Variants in PTPRD observed in about 807,000 individuals in gnomAD.
PTPRD encodes protein tyrosine phosphatase receptor type D.
In PTPRD, 34 loss-of-function variants were observed where a neutral mutation model predicts 214.5. The ratio of observed to expected loss-of-function variants is 0.16; its 90% CI spans 0.12 to 0.21. The LOEUF (loss-of-function observed/expected upper bound fraction) is 0.21, where lower values mean the gene tolerates loss of function less well. PTPRD is among the 10% of genes least tolerant of loss of function. The pLI is 1.00. For synonymous variants in PTPRD, 1,128 were observed against 845.7 expected (o/e 1.33, Z -5.79); for missense variants, 2,545 against 2,398.7 (o/e 1.06, Z -1.27).
intron 3 of PTPRD, among the ~76,000 whole-genome samples, chr9:10,325,471 C>A (rs1774447108): frequency 6.6e-6 from 1 of 151,736 alleles, no homozygotes; most frequent in Non-Finnish European, 1.5e-5. Flanking sequence ...TCTTTATAAA[C>A]AATTAACACT....
intron 11 of PTPRD, among the ~76,000 whole-genome samples, chr9:9,007,473 A>T (rs980642303): frequency 2.3e-4 from 31 of 133,338 alleles, no homozygotes; most frequent in Non-Finnish European, 5.4e-4. Context: ...TTAAAAATAT[A>T]TTTTTTTTTA....
intron 5 of PTPRD, among the ~76,000 whole-genome samples, chr9:9,793,912 T>C (rs1382991598): frequency 6.6e-6 from 1 of 152,004 alleles, no homozygotes; most frequent in East Asian, 1.9e-4. Context: ...TTTATGAAAT[T>C]CAACCCACTA....
At chr9:9,182,032 A>C (rs1357673087) in intron 10 of PTPRD, among the ~76,000 whole-genome samples, 1 of 152,088 alleles carries the variant, frequency 6.6e-6, no homozygotes, top group South Asian at 2.1e-4. Flanking sequence ...AATTCAAAAG[A>C]ATAACACATC....
intron 2 of PTPRD, among the ~76,000 whole-genome samples, chr9:10,471,883 A>T (rs996433131): frequency 5.9e-5 from 9 of 152,120 alleles, no homozygotes; most frequent in African/African-American, 2.2e-4. Flanking sequence ...AAATGAACAA[A>T]AATAGCAAAC....
intron 9 of PTPRD, among the ~76,000 whole-genome samples, chr9:9,185,860 G>A (rs544047509): frequency 7.1e-6 from 1 of 140,556 alleles, no homozygotes; most frequent in South Asian, 2.5e-4. Context: ...AGACATTTTA[G>A]ATAATTTTTT....
intron 2 of PTPRD, among the ~76,000 whole-genome samples, chr9:10,600,477 G>A (rs1450862919): frequency 6.6e-6 from 1 of 151,710 alleles, no homozygotes; most frequent in Non-Finnish European, 1.5e-5. Flanking sequence ...AACATCTCCA[G>A]CAACAAAGAC....
In PTPRD at chr9:10,111,304, T is replaced by A. The variant is rs1213671201; in HGVS notation, c.-544-77514A>T. Among the ~76,000 whole-genome samples the A allele has an allele frequency of 2.3e-5, 3 of 133,206 alleles. No homozygotes were observed. In the South Asian group the frequency reaches 7.9e-4, roughly 35 times the overall value. The allele number at this position is 133,206 out of a possible 152,430, so 87.4% of individuals were successfully genotyped here. On this transcript the variant is annotated intron_variant, in intron 3 of 45. Transcript: ENST00000381196. Reference sequence around the variant, plus strand: ...CCCAGGCTGGAGTGCAGTGGCGGGATCTCGGCTCACTGCAAGCTCCGCCTC... The same window carrying A: ...CCCAGGCTGGAGTGCAGTGGCGGGAACTCGGCTCACTGCAAGCTCCGCCTC...
intron 11 of PTPRD, among the ~76,000 whole-genome samples, chr9:8,754,936 C>A (rs1295383014): frequency 6.6e-6 from 1 of 151,958 alleles, no homozygotes; most frequent in Non-Finnish European, 1.5e-5. Context: ...CCCAGATGGT[C>A]ACTGAACATA....
rs1820972256 is a variant in PTPRD at position 8,315,051 on chromosome 9, A to C, written c.*2823T>G. ...ATACATAACTACACGTACATAGGTA[A>C]ATAATAGCACCGTACTGGTTATGAT... On this transcript the variant is annotated 3_prime_UTR_variant, in exon 46 of 46. Coordinates refer to ENST00000381196, the MANE Select transcript of PTPRD (RefSeq NM_002839.4). 4.3e-6 allele frequency: 1 copy of C among 232,474 alleles called. No individual in the cohort carries two copies. The highest frequency in any genetic ancestry group is 2.2e-5 in the African/African-American group (1 of 45,264). 14.4% of individuals were successfully genotyped at this position (232,474 alleles called of 1,614,324 possible).
intron 4 of PTPRD, among the ~76,000 whole-genome samples, chr9:9,973,559 C>T (rs1234585975): frequency 6.6e-6 from 1 of 152,050 alleles, no homozygotes; most frequent in Non-Finnish European, 1.5e-5. Context: ...TAATTCCTCA[C>T]TCACTTTAGC....
chr9:9,619,396 G>C (rs1447530875), intron 7 of PTPRD, among the ~76,000 whole-genome samples: 1 of 151,460 alleles, frequency 6.6e-6, no homozygotes, highest in Admixed American at 6.6e-5. Context: ...GCTAAACTTT[G>C]ACACTGATCC....
chr9:9,961,844 T>C (rs1172999696), intron 4 of PTPRD, among the ~76,000 whole-genome samples: 3 of 152,184 alleles, frequency 2.0e-5, no homozygotes, highest in African/African-American at 7.2e-5. Flanking sequence ...TATTGTCACA[T>C]ATGTCTCTTA....
intron 12 of PTPRD, among the ~76,000 whole-genome samples, chr9:8,731,657 G>A (rs1319180573): frequency 2.0e-5 from 3 of 152,020 alleles, no homozygotes; most frequent in African/African-American, 7.2e-5. Context: ...TGATATCTCC[G>A]ACTCTACCAT....
chr9:9,218,710 A>G (rs1006270980), intron 9 of PTPRD, among the ~76,000 whole-genome samples: 1 of 152,050 alleles, frequency 6.6e-6, no homozygotes, highest in Non-Finnish European at 1.5e-5. Flanking sequence ...TAAATCTGGG[A>G]CTTTTGTGTG....
rs1003114974 is a variant in PTPRD, at chr9:8,742,279, T to A, written c.-103-8333A>T. Reference sequence around the variant, plus strand: ...TATATATTATGCACAACATGATGTTTGAAGTATATATAGTATACATTGAGG... The same window carrying A: ...TATATATTATGCACAACATGATGTTAGAAGTATATATAGTATACATTGAGG... On this transcript the variant is annotated intron_variant, in intron 11 of 45. Coordinates refer to ENST00000381196, the MANE Select transcript of PTPRD (RefSeq NM_002839.4). Among the ~76,000 whole-genome samples the A allele has an allele frequency of 3.9e-5, 6 of 152,286 alleles. No individual in the cohort carries two copies. The South Asian group carries it at 1.2e-3, about 32-fold the overall frequency.
At chr9:10,385,736 AC>A (rs2097902682) in intron 2 of PTPRD, among the ~76,000 whole-genome samples, 1 of 151,850 alleles carries the variant, frequency 6.6e-6, no homozygotes, top group Non-Finnish European at 1.5e-5. Flanking sequence ...CAAATATGAA[AC>A]TTTCCAGCTT....
chr9:10,490,650 T>A (rs1173671001), intron 2 of PTPRD, among the ~76,000 whole-genome samples: 1 of 152,140 alleles, frequency 6.6e-6, no homozygotes, highest in Non-Finnish European at 1.5e-5. Context: ...TTTCTCTATA[T>A]TCTCCTTATG....
intron 11 of PTPRD, among the ~76,000 whole-genome samples, chr9:8,852,277 T>G (rs2097833683): frequency 6.6e-6 from 1 of 152,172 alleles, no homozygotes; most frequent in Non-Finnish European, 1.5e-5. Flanking sequence ...AAAAGACAAT[T>G]GAGAATTTAT....
At chr9:9,412,021 A>G (rs1377239298) in intron 8 of PTPRD, among the ~76,000 whole-genome samples, 1 of 152,210 alleles carries the variant, frequency 6.6e-6, no homozygotes, top group Non-Finnish European at 1.5e-5. Flanking sequence ...TTATGACCAC[A>G]TTCACGGGAT....
Sources: allele counts gnomAD v4.1 joint callset (sites outside exome capture counted in the v4.1 genomes callset), GRCh38; gene constraint gnomAD v4.1.1; transcripts MANE v1.5; gene names NCBI Gene and HGNC (gene_info 2026-07-23, HGNC 2026-07-21).